HDAC9: variants seen among roughly 807,000 people sequenced by gnomAD.
HDAC9 encodes the protein histone deacetylase 9, also known as MEF-2 interacting transcription repressor (MITR) protein.
In HDAC9, 41 loss-of-function variants were observed where a neutral mutation model predicts 139.4. The observed-to-expected ratio is 0.29, with a 90% CI of 0.23 to 0.38. The LOEUF (loss-of-function observed/expected upper bound fraction) is 0.38, where lower values mean the gene tolerates loss of function less well. Ranked by LOEUF, HDAC9 falls within the 10% of genes least tolerant of loss-of-function variation. The pLI is 1.00. For synonymous variants in HDAC9, 517 were observed against 476.2 expected, an observed-to-expected ratio of 1.09 and a Z score of -1.12; for missense variants, 1,147 against 1,297.0, an observed-to-expected ratio of 0.88 and a Z score of 1.78.
At chr7:18,251,282 C>T (rs1279380354) in intron 2 of HDAC9, among the ~76,000 whole-genome samples, 1 of 152,040 alleles carries the variant, frequency 6.6e-6, no homozygotes, top group Non-Finnish European at 1.5e-5. Context: ...CGCATGTTCT[C>T]ACTTATAAGT....
intron 15 of HDAC9, among the ~76,000 whole-genome samples, chr7:18,766,788 T>C (rs1033715047): frequency 6.6e-6 from 1 of 152,200 alleles, no homozygotes; most frequent in Non-Finnish European, 1.5e-5. Context: ...ATGTATAATA[T>C]AGACATGGAG....
chr7:18,280,598 AAC>A (rs1797040562), intron 2 of HDAC9, among the ~76,000 whole-genome samples: 1 of 151,112 alleles, frequency 6.6e-6, no homozygotes, highest in African/African-American at 2.4e-5. Context: ...AAAAAAAAAA[AAC>A]AAAAAACAAA....
chr7:18,947,388 C>G (rs1296413378), intron 23 of HDAC9, among the ~76,000 whole-genome samples: 2 of 151,602 alleles, frequency 1.3e-5, no homozygotes, highest in African/African-American at 4.8e-5. Flanking sequence ...AGCATGCATG[C>G]CCAGCACTGG....
At chr7:18,824,087 G>GAAGAAGAAGAAGAAGAACAAC (rs1331001570) in intron 17 of HDAC9, among the ~76,000 whole-genome samples, 1 of 147,434 alleles carries the variant, frequency 6.8e-6, no homozygotes, top group East Asian at 2.0e-4. Flanking sequence ...AGAAGAAGAA[G>GAAGAAGAAGAAGAAGAACAAC]AACAAGAACA....
At chr7:18,259,215 T>C (rs215123) in intron 2 of HDAC9, among the ~76,000 whole-genome samples, 118,137 of 151,858 alleles carry the variant, frequency 0.78, 46,086 homozygotes, top group South Asian at 0.87. Context: ...GTGATCCACC[T>C]GCCTTGGCCT....
intron 22 of HDAC9, among the ~76,000 whole-genome samples, chr7:18,910,701 A>G (rs1028633225): frequency 9.9e-5 from 15 of 151,908 alleles, no homozygotes; most frequent in African/African-American, 1.9e-4. Flanking sequence ...TTCTGTGTCT[A>G]TTGTGATGAT....
intron 24 of HDAC9, among the ~76,000 whole-genome samples, chr7:18,973,888 C>T (rs2129336485): frequency 6.6e-6 from 1 of 152,258 alleles, no homozygotes; most frequent in Non-Finnish European, 1.5e-5. Flanking sequence ...AATCCATCAC[C>T]CATAATCTCT....
intron 17 of HDAC9, 83 bp downstream of exon 17, chr7:18,793,535 T>A (rs1792515413): frequency 2.2e-6 from 2 of 898,176 alleles, no homozygotes; most frequent in Non-Finnish European, 3.6e-6. Flanking sequence ...TTGCGGGGAG[T>A]GTGGCGTGGT....
intron 1 of HDAC9, among the ~76,000 whole-genome samples, chr7:18,143,765 C>A (rs1403445132): frequency 6.7e-6 from 1 of 150,142 alleles, no homozygotes; most frequent in East Asian, 1.9e-4. Flanking sequence ...TACACTCTAG[C>A]CTGGGTGACA....
chr7:18,332,623 G>A (rs762763061), intron 1 of HDAC9, among the ~76,000 whole-genome samples: 76 of 151,714 alleles, frequency 5.0e-4, no homozygotes, highest in Non-Finnish European at 9.3e-4. Flanking sequence ...GTGTGGAATG[G>A]CAGTCAAGCC....
intron 1 of HDAC9, among the ~76,000 whole-genome samples, chr7:18,399,255 C>G (rs1787322508): frequency 6.6e-6 from 1 of 152,010 alleles, no homozygotes; most frequent in Non-Finnish European, 1.5e-5. Context: ...TCAGGTGGTA[C>G]TGAGTAAAAC....
chr7:18,093,957 G>C (rs1396001252), intron 1 of HDAC9, among the ~76,000 whole-genome samples: 3 of 152,168 alleles, frequency 2.0e-5, no homozygotes, highest in Admixed American at 1.3e-4. Context: ...TACCCAGGAA[G>C]TCTTATCTAT....
chr7:18,161,945 A>G (rs911885231), intron 1 of HDAC9, among the ~76,000 whole-genome samples: 2 of 152,212 alleles, frequency 1.3e-5, no homozygotes, highest in Non-Finnish European at 2.9e-5. Context: ...ACAGTAAACA[A>G]TAAGCTAATT....
chr7:18,977,919 G>GACAGACACACAC (rs1422767293), intron 25 of HDAC9, among the ~76,000 whole-genome samples: 189 of 141,024 alleles, frequency 1.3e-3, no homozygotes, highest in African/African-American at 4.6e-3. Flanking sequence ...CAGACAGACA[G>GACAGACACACAC]ACACACACAC....
intron 12 of HDAC9, among the ~76,000 whole-genome samples, chr7:18,673,486 G>A (rs2129085081): frequency 6.6e-6 from 1 of 151,938 alleles, no homozygotes; most frequent in East Asian, 1.9e-4. Flanking sequence ...AGTACAAAAA[G>A]TTTATTAATA....
chr7:18,378,277 A>C (rs1195307506), intron 1 of HDAC9, among the ~76,000 whole-genome samples: 1 of 152,036 alleles, frequency 6.6e-6, no homozygotes, highest in Non-Finnish European at 1.5e-5. Flanking sequence ...CTTTTAGTAC[A>C]AACAAATACC....
intron 17 of HDAC9, among the ~76,000 whole-genome samples, chr7:18,807,277 G>A (rs1006510237): frequency 6.6e-6 from 1 of 152,038 alleles, no homozygotes; most frequent in Non-Finnish European, 1.5e-5. Context: ...TTTTATTTCT[G>A]TGGTATCAGT....
chr7:18,991,489 T>C (rs1005868659), intron 25 of HDAC9, among the ~76,000 whole-genome samples: 1 of 151,994 alleles, frequency 6.6e-6, no homozygotes, highest in East Asian at 1.9e-4. Flanking sequence ...TACAAAAAAT[T>C]AGCCAGGTGT....
chr7:18,184,132 C>A (rs1480621408), intron 2 of HDAC9, among the ~76,000 whole-genome samples: 1 of 152,326 alleles, frequency 6.6e-6, no homozygotes, highest in East Asian at 1.9e-4. Flanking sequence ...GGCGCGGCAG[C>A]TCATGCCTGT....
Sources: allele counts gnomAD v4.1 joint callset (sites outside exome capture counted in the v4.1 genomes callset), GRCh38; gene constraint gnomAD v4.1.1; transcripts MANE v1.5; gene names NCBI Gene and HGNC (gene_info 2026-07-23, HGNC 2026-07-21).